Variants in CLEC9A observed in about 807,000 individuals in gnomAD.
CLEC9A encodes the protein C-type lectin domain family 9 member A.
CLEC9A carries 24 observed loss-of-function variants against 30.0 expected under a neutral mutation model. The ratio of observed to expected loss-of-function variants is 0.80; its 90% CI spans 0.58 to 1.13. The LOEUF (loss-of-function observed/expected upper bound fraction) is 1.13, where lower values mean the gene tolerates loss of function less well. Among genes scored for constraint, CLEC9A ranks in the 50% most tolerant of loss-of-function variants. The pLI, the probability that CLEC9A is intolerant of heterozygous loss-of-function variation, is 0.00. For missense variants in CLEC9A, 251 were observed against 280.9 expected (o/e 0.89, Z 0.76); for synonymous variants, 111 against 96.8 (o/e 1.15, Z -0.86).
intron 5 of CLEC9A, among the ~76,000 whole-genome samples, chr12:10,055,611 C>T (rs964658137): frequency 6.6e-6 from 1 of 151,966 alleles, no homozygotes; most frequent in African/African-American, 2.4e-5. Context: ...ACAAAATTAA[C>T]TGAAGATGCA....
chr12:10,049,149 A>C (rs1302588774), intron 2 of CLEC9A, among the ~76,000 whole-genome samples: 1 of 152,160 alleles, frequency 6.6e-6, no homozygotes, highest in African/African-American at 2.4e-5. Flanking sequence ...TTGAGAAAAA[A>C]AAAAGGTTTT....
At chr12:10,065,464 A>G in intron 8 of CLEC9A, 36 bp from the exon 9 acceptor site, 8 of 1,611,562 alleles carry the variant, frequency 5.0e-6, no homozygotes, top group Non-Finnish European at 6.8e-6. Context: ...TGAAACTCCC[A>G]AGTCTAACCT....
At chr12:10,043,258 T>C (rs1188133904) in intron 2 of CLEC9A, 3 of 333,898 alleles carry the variant, frequency 9.0e-6, no homozygotes, top group Admixed American at 4.0e-5. Flanking sequence ...TGGGTCAGAT[T>C]ATCCCACCAG....
chr12:10,064,674 T>A, intron 7 of CLEC9A, 58 bp from the exon 8 acceptor site: 1 of 1,549,282 alleles, frequency 6.5e-7, no homozygotes, highest in African/African-American at 1.4e-5. Context: ...ACTTTATATT[T>A]CACTAGAGTT....
chr12:10,063,168 G>A lies in CLEC9A; in HGVS notation c.433G>A (p.Gly145Ser). ...CAGTCAAGAGAATTGTTTAAAGGAA[G>A]GTTCCACGCTGCTACAAATAGAGAG... is the stretch of plus-strand genomic sequence containing the variant. The part of the protein sequence containing the change: ...HTSQENCLKE[G>S]STLLQIESKE... The change falls in exon 7 of 9, where the codon GGT becomes AGT. Residue 145 changes from glycine (G) to serine (S), a missense_variant. Transcript: ENST00000355819. 1 of 1,610,446 alleles carries A rather than the reference G, an allele frequency of 6.2e-7. No individual in the cohort carries two copies. Among genetic ancestry groups the A allele is most frequent in the Non-Finnish European group, 8.5e-7 (1 of 1,178,774 alleles).
Position 10,052,634 on chromosome 12 carries a change from G to T in CLEC9A, c.-54G>T. On this transcript the variant is annotated 5_prime_UTR_variant, in exon 4 of 9. Transcript: ENST00000355819. ...CAACCTGCTCCAAACCACAAGAGGA[G>T]TTACTTGTTCCAGCCTCCTGTGTGG... The T allele has an allele frequency of 6.3e-7, 1 of 1,599,136 alleles. No individual in the cohort carries two copies. The highest frequency in any genetic ancestry group is 8.5e-7 in the Non-Finnish European group (1 of 1,173,106).
chr12:10,063,668 G>A lies in CLEC9A; in HGVS notation c.471+462G>A, dbSNP rs564931703. On this transcript the variant is annotated intron_variant, in intron 7 of 8. Coordinates refer to ENST00000355819, the MANE Select transcript of CLEC9A (RefSeq NM_207345.4). ...AATAAATAGGTCTTGAAAAATACAA[G>A]TATCTGCTAAATGAAATGTTTAATT... is the stretch of plus-strand genomic sequence containing the variant. Among the ~76,000 whole-genome samples the A allele has an allele frequency of 7.2e-5, 11 of 152,294 alleles. No individual in the cohort carries two copies. In the South Asian group the frequency reaches 1.7e-3, roughly 23 times the overall value.
intron 5 of CLEC9A, among the ~76,000 whole-genome samples, chr12:10,058,166 C>T (rs377248252): frequency 1.8e-4 from 28 of 152,134 alleles, no homozygotes; most frequent in East Asian, 9.6e-4. Context: ...ATATAGTATA[C>T]GCTGTTCAGA....
At position 10,052,440 on chromosome 12, in the gene CLEC9A, T is replaced by C. The variant is rs1865901332; in HGVS notation, c.-58-190T>C. ...AACCGGATAAAAAAATGTTCTATCA[T>C]TGGCCATTCTAAATTCAGTTCTCTC... is the stretch of plus-strand genomic sequence containing the variant. On this transcript the variant is annotated intron_variant, in intron 3 of 8. Transcript: ENST00000355819. 4 of 1,090,414 alleles carry C rather than the reference T, an allele frequency of 3.7e-6. No homozygotes were observed. The African/African-American group carries it at 6.4e-5, about 17-fold the overall frequency. The allele number at this position is 1,090,414 out of a possible 1,614,324, so 67.5% of individuals were successfully genotyped here. A position where few individuals can be genotyped will look rare whatever the true frequency, so the allele number is the denominator to read the frequency against.
chr12:10,052,338 G>A (rs1865900188), intron 3 of CLEC9A: 1 of 226,814 alleles, frequency 4.4e-6, no homozygotes, highest in Admixed American at 5.4e-5. Flanking sequence ...TATACCAAAT[G>A]CAAGTGCGTT....
At chr12:10,048,344 C>T (rs557614109) in intron 2 of CLEC9A, among the ~76,000 whole-genome samples, 22 of 147,396 alleles carry the variant, frequency 1.5e-4, no homozygotes, top group African/African-American at 5.0e-4. Context: ...TACAGTCCAG[C>T]CTGGTGACAG....
chr12:10,046,758 G>A (rs10505748), intron 2 of CLEC9A, among the ~76,000 whole-genome samples: 15,667 of 152,196 alleles, frequency 0.1, 985 homozygotes, highest in Non-Finnish European at 0.14. Flanking sequence ...ACACAGAGAC[G>A]TGGGTTTTTA....
intron 4 of CLEC9A, among the ~76,000 whole-genome samples, chr12:10,053,943 G>A (rs1865917222): frequency 6.6e-6 from 1 of 152,048 alleles, no homozygotes; most frequent in African/African-American, 2.4e-5. Context: ...TTGGCTTGGG[G>A]GAATCTCTAA....
chr12:10,031,017 G>A (rs1398538693), intron 1 of CLEC9A, 45 bp downstream of exon 1: 1 of 152,170 alleles, frequency 6.6e-6, no homozygotes, highest in South Asian at 2.1e-4. Context: ...CATTACAGAT[G>A]ATGCTGACAG....
At chr12:10,032,858 G>A (rs901838483) in intron 1 of CLEC9A, among the ~76,000 whole-genome samples, 2 of 151,942 alleles carry the variant, frequency 1.3e-5, no homozygotes, top group Non-Finnish European at 2.9e-5. Flanking sequence ...CCATACACAC[G>A]ATTCTAATTT....
chr12:10,046,580 C>T (rs890732028), intron 2 of CLEC9A, among the ~76,000 whole-genome samples: 4 of 152,134 alleles, frequency 2.6e-5, no homozygotes, highest in Non-Finnish European at 5.9e-5. Flanking sequence ...GGAAAGGCAC[C>T]GTTTCACAGG....
At position 10,035,502 on chromosome 12, in the gene CLEC9A, A is replaced by G. The variant is rs74325734; in HGVS notation, c.-318+4530A>G. On this transcript the variant is annotated intron_variant, in intron 1 of 8. Coordinates refer to ENST00000355819, the MANE Select transcript of CLEC9A (RefSeq NM_207345.4). The stretch of plus-strand genomic sequence containing the variant: ...CAATGGCAAATATACTTAACATACT[A>G]TGAATCCTCAATTCAAATATACTTG... 3.5e-3 allele frequency among the ~76,000 whole-genome samples: 527 copies of G among 152,374 alleles called. 9 individuals carry two copies. In the East Asian group the frequency reaches 0.039, roughly 11 times the overall value.
In CLEC9A at chr12:10,052,767, A is replaced by G. The variant is rs1865905616; in HGVS notation, c.80A>G (p.Asn27Ser). 1 of 1,613,816 alleles carries G rather than the reference A, an allele frequency of 6.2e-7. No homozygotes were observed. ...PDTYQKCLSS[N>S]KCSGACCLVM... Reference sequence around the variant, plus strand: ...ACTTACCAGAAATGTCTGTCTTCCAACAAATGTTCAGGTAACCAGTTCTAA... The same window carrying G: ...ACTTACCAGAAATGTCTGTCTTCCAGCAAATGTTCAGGTAACCAGTTCTAA... Residue 27 changes from asparagine (N) to serine (S), a missense_variant, in exon 4 of 9, where the codon AAC becomes AGC. Physicochemically the swap from Asn to Ser is conservative, Grantham distance 46. Transcript: ENST00000355819.
chr12:10,054,383 A>G (rs1465746022), intron 5 of CLEC9A, 32 bp downstream of exon 5: 3 of 1,343,918 alleles, frequency 2.2e-6, no homozygotes, highest in Non-Finnish European at 3.2e-6. Context: ...CAAAATATGT[A>G]TATCGTTATA....
Sources: gnomAD v4.1 joint callset for allele counts (sites outside exome capture counted in the v4.1 genomes callset) on GRCh38, gnomAD v4.1.1 for gene constraint, MANE v1.5 for transcripts, NCBI Gene and HGNC (gene_info 2026-07-23, HGNC 2026-07-21) for gene names.